OR56A1: variants seen among roughly 807,000 people sequenced by gnomAD.
The protein encoded by OR56A1 is olfactory receptor 56A1.
For synonymous variants in OR56A1, 174 were observed against 159.1 expected (o/e 1.09, Z -0.70); for missense variants, 360 against 380.9 (o/e 0.94, Z 0.46).
intron 1 of OR56A1, among the ~76,000 whole-genome samples, chr11:6,028,400 C>G (rs1473073754): frequency 6.6e-6 from 1 of 151,950 alleles, no homozygotes; most frequent in Non-Finnish European, 1.5e-5. Flanking sequence ...CAAATCTTCC[C>G]TAATCAACTT....
chr11:6,024,379 C>A lies in OR56A1; in HGVS notation c.*2369G>T, dbSNP rs1177959999. Reference sequence around the variant, plus strand: ...GCCATTTGCATTGATCTACAGAAGTCTGGTTCGGGAATTAAGATCTGAGTT... The same window carrying A: ...GCCATTTGCATTGATCTACAGAAGTATGGTTCGGGAATTAAGATCTGAGTT... On this transcript the variant is annotated 3_prime_UTR_variant, in exon 2 of 2. Coordinates refer to ENST00000641900, the MANE Select transcript of OR56A1 (RefSeq NM_001388488.1). 6.6e-6 allele frequency: 1 copy of A among 152,102 alleles called. No homozygotes were observed. The highest frequency in any genetic ancestry group is 1.5e-5 in the Non-Finnish European group (1 of 68,032). 9.4% of individuals were successfully genotyped at this position (152,102 alleles called of 1,614,324 possible).
rs186950224 is a variant in OR56A1, at chr11:6,027,827, T to C, written c.-34-101A>G. 21 of 749,484 alleles carry C rather than the reference T, an allele frequency of 2.8e-5. No individual in the cohort carries two copies. In the African/African-American group the frequency reaches 3.1e-4, roughly 11 times the overall value. 46.4% of individuals were successfully genotyped at this position (749,484 alleles called of 1,614,324 possible). A position where few individuals can be genotyped will look rare whatever the true frequency, so the allele number is the denominator to read the frequency against. ...GAAGCCAATGATAGGTAGTTCACTT[T>C]TGCCAAGTAAGGCAAATTTCAGCCA... On this transcript the variant is annotated intron_variant, in intron 1 of 1. Coordinates refer to ENST00000641900, the MANE Select transcript of OR56A1 (RefSeq NM_001388488.1).
At chr11:6,028,908 G>A (rs555963616) in intron 1 of OR56A1, among the ~76,000 whole-genome samples, 93 of 145,954 alleles carry the variant, frequency 6.4e-4, no homozygotes, top group African/African-American at 2.2e-3. Context: ...ACAGATGATA[G>A]GATAAAGAAA....
upstream of OR56A1, among the ~76,000 whole-genome samples, chr11:6,032,207 A>G (rs1239604318): frequency 2.6e-5 from 4 of 152,168 alleles, no homozygotes; most frequent in African/African-American, 9.7e-5. Flanking sequence ...GCTAAAGTCC[A>G]TTTCAAACTT....
At position 6,026,921 on chromosome 11, in the gene OR56A1, G is replaced by A; in HGVS notation, c.772C>T (p.Leu258=). The A allele has an allele frequency of 6.2e-7, 1 of 1,614,194 alleles. No individual in the cohort carries two copies. Among genetic ancestry groups the A allele is most frequent in the African/African-American group, 1.3e-5 (1 of 75,060 alleles). ...ACGTTTGTCAACACCACAACCAGCA[G>A]TATGGTGCTGAAGAAAAGAATGAGG... ...FILILFFSTI[L]LVVVLTNVAR... The change falls in exon 2 of 2, where the codon CTG becomes TTG. Residue 258 remains leucine (L), a synonymous_variant. Coordinates refer to ENST00000641900, the MANE Select transcript of OR56A1 (RefSeq NM_001388488.1).
rs537870684 is a variant in OR56A1 at position 6,023,695 on chromosome 11, G to A, written c.*3053C>T. On this transcript the variant is annotated 3_prime_UTR_variant, in exon 2 of 2. Coordinates refer to ENST00000641900, the MANE Select transcript of OR56A1 (RefSeq NM_001388488.1). ...AACATATTCAGGTTGTATCAGCAAA[G>A]CAAATCTTCATAGACTTCCTCAGTT... 1.6e-4 allele frequency: 24 copies of A among 152,302 alleles called. 1 individual carries two copies. The highest frequency in any genetic ancestry group is 4.6e-4 in the Admixed American group (7 of 15,296). The allele number at this position is 152,302 out of a possible 1,614,324, so 9.4% of individuals were successfully genotyped here.
Position 6,024,045 on chromosome 11 carries a change from G to A in OR56A1, c.*2703C>T, listed in dbSNP as rs1848422716. ...CTAAACCTCTATACTTAGAACCAGA[G>A]CAGAGAGCCAACTTTTCAAGTATGT... On this transcript the variant is annotated 3_prime_UTR_variant, in exon 2 of 2. Transcript: ENST00000641900. The A allele has an allele frequency of 1.3e-5, 2 of 152,192 alleles. No individual in the cohort carries two copies. Among genetic ancestry groups the A allele is most frequent in the African/African-American group, 2.4e-5 (1 of 41,438 alleles). The allele number at this position is 152,192 out of a possible 1,614,324, so 9.4% of individuals were successfully genotyped here.
At chr11:6,030,313 T>C (rs1334562019) in intron 1 of OR56A1, among the ~76,000 whole-genome samples, 1 of 152,192 alleles carries the variant, frequency 6.6e-6, no homozygotes, top group African/African-American at 2.4e-5. Context: ...GGCTTCTCAT[T>C]GCTAATATTA....
chr11:6,031,723 T>C (rs138711321), upstream of OR56A1, among the ~76,000 whole-genome samples: 34 of 152,224 alleles, frequency 2.2e-4, no homozygotes, highest in Non-Finnish European at 4.7e-4. Flanking sequence ...GAACGAGGTG[T>C]TTATAATCGC....
chr11:6,031,227 G>A (rs905910574), upstream of OR56A1, among the ~76,000 whole-genome samples: 4 of 152,140 alleles, frequency 2.6e-5, no homozygotes, highest in Admixed American at 2.6e-4. Flanking sequence ...GGAGCCAAAA[G>A]GATGAGGAGT....
Position 6,025,704 on chromosome 11 carries a change from A to G in OR56A1, c.*1044T>C, listed in dbSNP as rs1848440362. 1 of 152,222 alleles carries G rather than the reference A, an allele frequency of 6.6e-6. No homozygotes were observed. The highest frequency in any genetic ancestry group is 2.1e-4 in the South Asian group (1 of 4,828). 9.4% of individuals were successfully genotyped at this position (152,222 alleles called of 1,614,324 possible). On this transcript the variant is annotated 3_prime_UTR_variant, in exon 2 of 2. Transcript: ENST00000641900. ...CCTCAGATATCTGAGATCCAGTTCT[A>G]TGGGCCACTTCCTAGCCTTTTAGGT...
rs1006677490 is a variant in OR56A1, at chr11:6,022,513, T to G, written c.*4235A>C. 3 of 152,156 alleles carry G rather than the reference T, an allele frequency of 2.0e-5. No homozygotes were observed. The highest frequency in any genetic ancestry group is 7.2e-5 in the African/African-American group (3 of 41,436). The allele number at this position is 152,156 out of a possible 1,614,324, so 9.4% of individuals were successfully genotyped here. On this transcript the variant is annotated 3_prime_UTR_variant, in exon 2 of 2. Coordinates refer to ENST00000641900, the MANE Select transcript of OR56A1 (RefSeq NM_001388488.1). ...GGTTTTTAGTGTACTCTGCCTTTGA[T>G]ATCTATAATCTGGAGTATGAAAAAC... is the stretch of plus-strand genomic sequence containing the variant.
Position 6,026,834 on chromosome 11 carries a change from G to T in OR56A1, c.859C>A (p.Pro287Thr). 5.6e-6 allele frequency: 9 copies of T among 1,614,128 alleles called. No individual in the cohort carries two copies. The highest frequency in any genetic ancestry group is 7.6e-6 in the Non-Finnish European group (9 of 1,179,950). ...TACACAATAGGGTTCAATGCAGGAG[G>T]AATAAGGTGATGAAGGACGTTCAGC... Reference protein sequence around the residue: ...ILLNVLHHLIPPALNPIVYGV... With the variant: ...ILLNVLHHLITPALNPIVYGV... Residue 287 changes from proline to threonine, a missense_variant, in exon 2 of 2, where the codon CCT (proline) becomes ACT (threonine). Pro to Thr is a conservative substitution (Grantham distance 38, BLOSUM62 -1). Coordinates refer to ENST00000641900, the MANE Select transcript of OR56A1 (RefSeq NM_001388488.1).
intron 1 of OR56A1, among the ~76,000 whole-genome samples, chr11:6,029,516 A>T (rs1254634208): frequency 6.6e-6 from 1 of 152,046 alleles, no homozygotes; most frequent in Non-Finnish European, 1.5e-5. Context: ...ACTCACTTCA[A>T]TTTGGCTTCC....
intron 1 of OR56A1, among the ~76,000 whole-genome samples, chr11:6,029,754 C>T (rs188271417): frequency 2.9e-3 from 448 of 152,306 alleles, no homozygotes; most frequent in Non-Finnish European, 4.4e-3. Context: ...TTCAGTCCTA[C>T]ATTTTCTTCG....
intron 1 of OR56A1, among the ~76,000 whole-genome samples, chr11:6,029,760 C>T (rs952310532): frequency 6.6e-5 from 10 of 152,174 alleles, no homozygotes; most frequent in African/African-American, 2.2e-4. Flanking sequence ...CCTACATTTT[C>T]TTCGCTTTTC....
chr11:6,029,065 T>A (rs1279095447), intron 1 of OR56A1, among the ~76,000 whole-genome samples: 1 of 152,140 alleles, frequency 6.6e-6, no homozygotes, highest in African/African-American at 2.4e-5. Context: ...TTCTCACTCA[T>A]AAGTATGTGT....
At position 6,026,827 on chromosome 11, in the gene OR56A1, G is replaced by A. The variant is rs200457058; in HGVS notation, c.866C>T (p.Ala289Val). The change falls in exon 2 of 2, where the codon GCA becomes GTA. Residue 289 changes from alanine (A) to valine (V), a missense_variant. Coordinates refer to ENST00000641900, the MANE Select transcript of OR56A1 (RefSeq NM_001388488.1). ...AACCCCATACACAATAGGGTTCAAT[G>A]CAGGAGGAATAAGGTGATGAAGGAC... The part of the protein sequence containing the change: ...LNVLHHLIPP[A>V]LNPIVYGVRT... The A allele has an allele frequency of 5.6e-6, 9 of 1,614,066 alleles. No individual in the cohort carries two copies. The East Asian group carries it at 1.6e-4, about 28-fold the overall frequency.
intron 1 of OR56A1, among the ~76,000 whole-genome samples, chr11:6,028,449 T>G (rs114928564): frequency 0.012 from 1,760 of 152,284 alleles, 23 homozygotes; most frequent in African/African-American, 0.04. Flanking sequence ...TGTCTTCATT[T>G]TTTTCAAACC....
Sources: gnomAD v4.1 joint callset for allele counts (sites outside exome capture counted in the v4.1 genomes callset) on GRCh38, gnomAD v4.1.1 for gene constraint, MANE v1.5 for transcripts, NCBI Gene and HGNC (gene_info 2026-07-23, HGNC 2026-07-21) for gene names.